TNFRSF8: variants seen among roughly 807,000 people sequenced by gnomAD.
TNFRSF8 encodes TNF receptor superfamily member 8.
A neutral mutation model predicts 70.8 loss-of-function variants in TNFRSF8; 26 were observed. That is an observed-to-expected ratio of 0.37 (90% confidence interval 0.27 to 0.51). TNFRSF8 has a LOEUF of 0.51. Among genes scored for constraint, TNFRSF8 ranks in the 20% least tolerant of loss-of-function variants. The pLI, the probability that TNFRSF8 is intolerant of heterozygous loss-of-function variation, is 0.94. For missense variants in TNFRSF8, 720 were observed against 807.9 expected, an observed-to-expected ratio of 0.89 and a Z score of 1.32; for synonymous variants, 356 against 339.2, an observed-to-expected ratio of 1.05 and a Z score of -0.54.
At chr1:12,075,859 A>T (rs72861946) in intron 1 of TNFRSF8, among the ~76,000 whole-genome samples, 27,309 of 151,922 alleles carry the variant, frequency 0.18, 3,256 homozygotes, top group African/African-American at 0.34. Context: ...CACAAATGAC[A>T]CCTCCAACCA....
chr1:12,109,907 C>T lies in TNFRSF8; in HGVS notation c.513-134C>T, dbSNP rs1641596595. The T allele has an allele frequency of 8.6e-7, 1 of 1,164,482 alleles. No homozygotes were observed. Among genetic ancestry groups the T allele is most frequent in the East Asian group, 2.4e-5 (1 of 42,056 alleles). 72.1% of individuals were successfully genotyped at this position (1,164,482 alleles called of 1,614,324 possible). A position where few individuals can be genotyped will look rare whatever the true frequency, so the allele number is the denominator to read the frequency against. On this transcript the variant is annotated intron_variant, in intron 5 of 14. Transcript: ENST00000263932. This position sits in a 1 kb window ranked among gnomAD's most constrained non-coding sequence, Gnocchi z 4.4. Reference sequence around the variant, plus strand: ...AAAACACAGGCCTTGCTCCCAGGAGCTTACAGTGGGCCCGCCAGAGGCAGT... The same window carrying T: ...AAAACACAGGCCTTGCTCCCAGGAGTTTACAGTGGGCCCGCCAGAGGCAGT...
intron 12 of TNFRSF8, among the ~76,000 whole-genome samples, chr1:12,131,783 TG>T (rs1642052864): frequency 6.7e-6 from 1 of 150,156 alleles, no homozygotes; most frequent in Non-Finnish European, 1.5e-5. Context: ...CGAGAGCCAC[TG>T]TGCCCAGCTA....
intron 14 of TNFRSF8, among the ~76,000 whole-genome samples, chr1:12,140,005 A>T (rs1024907958): frequency 6.6e-6 from 1 of 152,238 alleles, no homozygotes; most frequent in African/African-American, 2.4e-5. Context: ...TTTGAAAAGT[A>T]TGTATTTTGG....
In TNFRSF8 at chr1:12,066,993, G is replaced by A. The variant is rs376601710; in HGVS notation, c.63+3332G>A. Among the ~76,000 whole-genome samples the A allele has an allele frequency of 1.8e-3, 268 of 152,212 alleles. 2 individuals are homozygous for A. The highest frequency in any genetic ancestry group is 6.3e-3 in the African/African-American group (260 of 41,546). ...ATCTCTATTTGATTTTTCCCAAGACGCCATCATTTTTCGCCTGGTATTCTG... is the reference window on the plus strand; with the variant it reads ...ATCTCTATTTGATTTTTCCCAAGACACCATCATTTTTCGCCTGGTATTCTG... On this transcript the variant is annotated intron_variant, in intron 1 of 14. Coordinates refer to ENST00000263932, the MANE Select transcript of TNFRSF8 (RefSeq NM_001243.5).
At chr1:12,076,391 T>C (rs1640968596) in intron 1 of TNFRSF8, among the ~76,000 whole-genome samples, 1 of 152,190 alleles carries the variant, frequency 6.6e-6, no homozygotes, top group Admixed American at 6.5e-5. Flanking sequence ...TGAGCTACCG[T>C]GCCCGGCCTC....
In TNFRSF8 at chr1:12,113,627, G is replaced by A. The variant is rs1641672545; in HGVS notation, c.793+1613G>A. ...AGTGAGAGAGAGACAGAAAGAGGGA[G>A]AGAGAGAGACAGAAAGAGAAAGAGA... On this transcript the variant is annotated intron_variant, in intron 7 of 14. Coordinates refer to ENST00000263932, the MANE Select transcript of TNFRSF8 (RefSeq NM_001243.5). The surrounding 1 kb of genome is among the most constrained non-coding windows in gnomAD (Gnocchi z 4.9). Among the ~76,000 whole-genome samples the A allele has an allele frequency of 6.6e-6, 1 of 151,540 alleles. No homozygotes were observed. Among genetic ancestry groups the A allele is most frequent in the South Asian group, 2.1e-4 (1 of 4,794 alleles).
At chr1:12,070,433 T>C (rs1640822328) in intron 1 of TNFRSF8, among the ~76,000 whole-genome samples, 1 of 152,068 alleles carries the variant, frequency 6.6e-6, no homozygotes, top group Admixed American at 6.6e-5. Context: ...TTTTTGTATT[T>C]TTAGTAGAGA....
At chr1:12,135,486 G>T in intron 12 of TNFRSF8, 102 bp from the exon 13 acceptor site, 1 of 1,341,480 alleles carries the variant, frequency 7.5e-7, no homozygotes, top group Non-Finnish European at 9.9e-7. Flanking sequence ...GCTGAGTTCA[G>T]CACCACCTGT....
intron 12 of TNFRSF8, among the ~76,000 whole-genome samples, chr1:12,130,284 G>A (rs1642023996): frequency 6.6e-6 from 1 of 152,212 alleles, no homozygotes; most frequent in Non-Finnish European, 1.5e-5. Flanking sequence ...TCAATGGGTT[G>A]TAATCTCTTA....
intron 2 of TNFRSF8, among the ~76,000 whole-genome samples, chr1:12,087,138 A>G (rs1257431933): frequency 7.2e-6 from 1 of 139,454 alleles, no homozygotes; most frequent in African/African-American, 2.7e-5. Flanking sequence ...TCATCCATCC[A>G]ACAAATTTTT....
Position 12,065,078 on chromosome 1 carries a change from CTTTT to C in TNFRSF8, c.63+1436_63+1439del, listed in dbSNP as rs773549918. Among the ~76,000 whole-genome samples the C allele has an allele frequency of 2.2e-3, 198 of 88,260 alleles. 1 individual carries two copies. The highest frequency in any genetic ancestry group is 9.1e-3 in the African/African-American group (180 of 19,726). The allele number at this position is 88,260 out of a possible 152,430, so 57.9% of individuals were successfully genotyped here. On this transcript the variant is annotated intron_variant, in intron 1 of 14. Transcript: ENST00000263932. ...TACAGCCTGAACTCTCATACCAAACCTTTTTTTTTTTTTTTTTTTTTTGAGACTG... is the reference window on the plus strand; with the variant it reads ...TACAGCCTGAACTCTCATACCAAACCTTTTTTTTTTTTTTTTTTGAGACTG...
chr1:12,121,044 G>A (rs1557598715), intron 8 of TNFRSF8, among the ~76,000 whole-genome samples: 1 of 152,196 alleles, frequency 6.6e-6, no homozygotes, highest in Non-Finnish European at 1.5e-5. Flanking sequence ...TCATGATGCT[G>A]ACTGGGAATA....
At chr1:12,126,266 C>T (rs1273370893) in intron 12 of TNFRSF8, 30 bp downstream of exon 12, 1 of 1,613,970 alleles carries the variant, frequency 6.2e-7, no homozygotes, top group Admixed American at 1.7e-5. Flanking sequence ...AAGGGGCTGC[C>T]CGAGCCAGAG....
Position 12,142,273 on chromosome 1 carries a change from CT to C in TNFRSF8, c.1544-10del. On this transcript the variant is annotated splice_polypyrimidine_tract_variant and intron_variant, in intron 14 of 14. Coordinates refer to ENST00000263932, the MANE Select transcript of TNFRSF8 (RefSeq NM_001243.5). This position sits in a 1 kb window ranked among gnomAD's most constrained non-coding sequence, Gnocchi z 5.0. ...CTCTGGCCTCCCTCGCTCACCCATC[CT>C]TTTGCCTTGCAGAGAAAATCTACAT... 1 of 1,574,926 alleles carries C rather than the reference CT, an allele frequency of 6.3e-7. No individual in the cohort carries two copies. The highest frequency in any genetic ancestry group is 2.3e-5 in the East Asian group (1 of 43,840).
At chr1:12,107,130 C>T (rs1272435412) in intron 4 of TNFRSF8, among the ~76,000 whole-genome samples, 5 of 152,192 alleles carry the variant, frequency 3.3e-5, no homozygotes, top group Non-Finnish European at 4.4e-5. Context: ...TGCGGTGGCT[C>T]ACACCTGTAA....
rs548914161 is a variant in TNFRSF8, at chr1:12,111,960, G to C, written c.739G>C (p.Asp247His). Residue 247 changes from aspartate (D) to histidine (H), a missense_variant, in exon 7 of 15, where the codon GAC (aspartate) becomes CAC (histidine). Coordinates refer to ENST00000263932, the MANE Select transcript of TNFRSF8 (RefSeq NM_001243.5). ...TGATTGCAGAAAGCAGTGTGAGCCC[G>C]ACTACTACCTGGACGAGGCCGGCCG... The part of the protein sequence containing the change: ...SGDCRKQCEP[D>H]YYLDEAGRCT... The C allele has an allele frequency of 6.2e-7, 1 of 1,614,198 alleles. No homozygotes were observed. The highest frequency in any genetic ancestry group is 8.5e-7 in the Non-Finnish European group (1 of 1,180,024).
In TNFRSF8 at chr1:12,123,936, A is replaced by T. The variant is rs1014357140; in HGVS notation, c.1153+109A>T. On this transcript the variant is annotated intron_variant, in intron 10 of 14. Coordinates refer to ENST00000263932, the MANE Select transcript of TNFRSF8 (RefSeq NM_001243.5). ...TTCTCCTTTGTGGGTATGGTCTGAG[A>T]AGGGGGATTAAGGTTGACCCCAGGT... The T allele has an allele frequency of 3.2e-6, 3 of 934,524 alleles. No individual in the cohort carries two copies. In the African/African-American group the frequency reaches 5.0e-5, roughly 15 times the overall value. The allele number at this position is 934,524 out of a possible 1,614,324, so 57.9% of individuals were successfully genotyped here. A position where few individuals can be genotyped will look rare whatever the true frequency, so the allele number is the denominator to read the frequency against.
chr1:12,078,856 G>C (rs1641013454), intron 1 of TNFRSF8, among the ~76,000 whole-genome samples: 1 of 152,232 alleles, frequency 6.6e-6, no homozygotes. Context: ...CTCAGCTTCT[G>C]CTAGGTCAGC....
At position 12,088,412 on chromosome 1, in the gene TNFRSF8, T is replaced by C. The variant is rs903711822; in HGVS notation, c.151+3861T>C. Among the ~76,000 whole-genome samples the C allele has an allele frequency of 2.0e-5, 3 of 152,120 alleles. No homozygotes were observed. Among genetic ancestry groups the C allele is most frequent in the African/African-American group, 7.2e-5 (3 of 41,406 alleles). The stretch of plus-strand genomic sequence containing the variant: ...AGGAATTTGCACAAGGCCACATGCG[T>C]ATCAGTGGCTCAGCCGGGCCGTGAA... On this transcript the variant is annotated intron_variant, in intron 2 of 14. Coordinates refer to ENST00000263932, the MANE Select transcript of TNFRSF8 (RefSeq NM_001243.5). This position sits in a 1 kb window ranked among gnomAD's most constrained non-coding sequence, Gnocchi z 4.0.
Sources: gnomAD v4.1 joint callset for allele counts (sites outside exome capture counted in the v4.1 genomes callset) on GRCh38, gnomAD v4.1.1 for gene constraint, Gnocchi (gnomAD v3.1) non-coding constraint, MANE v1.5 for transcripts, NCBI Gene and HGNC (gene_info 2026-07-23, HGNC 2026-07-21) for gene names.